Variants in TBC1D22A observed in about 807,000 individuals in gnomAD.
TBC1D22A encodes TBC1 domain family member 22A, also known as putative GTPase activator.
In TBC1D22A, 38 loss-of-function variants were observed where a neutral mutation model predicts 60.2. The observed-to-expected ratio is 0.63, with a 90% CI of 0.49 to 0.83. The LOEUF (loss-of-function observed/expected upper bound fraction) is 0.83. Among genes scored for constraint, TBC1D22A ranks in the 40% least tolerant of loss-of-function variants. TBC1D22A has a pLI of 0.00. For synonymous variants in TBC1D22A, 302 were observed against 281.7 expected (o/e 1.07, Z -0.72); for missense variants, 628 against 701.0 (o/e 0.90, Z 1.18).
intron 12 of TBC1D22A, among the ~76,000 whole-genome samples, chr22:47,158,819 C>G (rs1164920414): frequency 6.6e-6 from 1 of 152,112 alleles, no homozygotes; most frequent in Non-Finnish European, 1.5e-5. Flanking sequence ...CCCGCAGCCA[C>G]CAGCCAGGGC....
chr22:46,797,408 G>A (rs768275577), intron 3 of TBC1D22A, 36 bp from the exon 4 acceptor site: 17 of 1,608,402 alleles, frequency 1.1e-5, no homozygotes, highest in Non-Finnish European at 1.4e-5. Context: ...CGGGAGGAGC[G>A]CCCTCACCCT....
chr22:46,858,673 G>A (rs938199359), intron 4 of TBC1D22A, among the ~76,000 whole-genome samples: 2 of 152,246 alleles, frequency 1.3e-5, no homozygotes, highest in Admixed American at 1.3e-4. Context: ...AGCGCTGAGC[G>A]ATACGCTGGC....
At chr22:46,989,330 A>T (rs182138562) in intron 9 of TBC1D22A, among the ~76,000 whole-genome samples, 1 of 151,714 alleles carries the variant, frequency 6.6e-6, no homozygotes, top group East Asian at 1.9e-4. Context: ...TTTCCTTTGC[A>T]TTCACAACCT....
chr22:46,796,685 C>T (rs1363262086), intron 3 of TBC1D22A, among the ~76,000 whole-genome samples: 2 of 131,110 alleles, frequency 1.5e-5, no homozygotes, highest in Non-Finnish European at 3.2e-5. Context: ...CTTGGATCCC[C>T]CTGGGCCTGT....
chr22:47,062,478 G>T (rs535333279), intron 11 of TBC1D22A, among the ~76,000 whole-genome samples: 1 of 152,184 alleles, frequency 6.6e-6, no homozygotes, highest in Non-Finnish European at 1.5e-5. Flanking sequence ...ATGTCCGTGT[G>T]TTCCTTTCTG....
intron 4 of TBC1D22A, among the ~76,000 whole-genome samples, chr22:46,804,412 C>G (rs1030380208): frequency 1.4e-4 from 22 of 152,326 alleles, no homozygotes; most frequent in African/African-American, 5.3e-4. Flanking sequence ...GTTGTGCTTG[C>G]TTTTTCTCTC....
chr22:47,127,795 T>C (rs2147106592), intron 12 of TBC1D22A, among the ~76,000 whole-genome samples: 1 of 151,996 alleles, frequency 6.6e-6, no homozygotes, highest in South Asian at 2.1e-4. Flanking sequence ...ACAGATGTGC[T>C]GCTCTTGGCG....
chr22:46,937,955 T>C (rs892442588), intron 8 of TBC1D22A, among the ~76,000 whole-genome samples: 4 of 152,186 alleles, frequency 2.6e-5, no homozygotes, highest in African/African-American at 7.2e-5. Flanking sequence ...CTAAGTATTA[T>C]TATAAAAAAG....
At chr22:46,819,544 G>T (rs1602002083) in intron 4 of TBC1D22A, among the ~76,000 whole-genome samples, 1 of 152,204 alleles carries the variant, frequency 6.6e-6, no homozygotes, top group East Asian at 1.9e-4. Context: ...TATGTTTATT[G>T]ATTTGCATAT....
At chr22:46,970,250 G>A (rs1438276217) in intron 8 of TBC1D22A, among the ~76,000 whole-genome samples, 1 of 151,646 alleles carries the variant, frequency 6.6e-6, no homozygotes, top group Non-Finnish European at 1.5e-5. Context: ...CCACAGCCAT[G>A]GCTGTCATTT....
intron 12 of TBC1D22A, among the ~76,000 whole-genome samples, chr22:47,127,442 C>G (rs982158236): frequency 4.3e-5 from 6 of 138,196 alleles, no homozygotes; most frequent in Admixed American, 7.8e-5. Context: ...CCAGGCTGGT[C>G]TCGAACCCCT....
rs754725679 is a variant in TBC1D22A at position 46,869,260 on chromosome 22, T to G, written c.638-9393T>G. 5.3e-5 allele frequency among the ~76,000 whole-genome samples: 8 copies of G among 152,260 alleles called. 1 individual carries two copies. The highest frequency in any genetic ancestry group is 8.8e-5 in the Non-Finnish European group (6 of 68,048). ...GCAGCTCACGGAGAATCTTTCCTGA[T>G]GTCCCCTTCTTCAGAGAAGAGACCA... On this transcript the variant is annotated intron_variant, in intron 4 of 12. Coordinates refer to ENST00000337137, the MANE Select transcript of TBC1D22A (RefSeq NM_014346.5).
intron 11 of TBC1D22A, among the ~76,000 whole-genome samples, chr22:47,102,638 T>A (rs993769404): frequency 6.6e-6 from 1 of 152,196 alleles, no homozygotes; most frequent in African/African-American, 2.4e-5. Flanking sequence ...GCCGTAAAGC[T>A]CTGTTTTCCC....
intron 10 of TBC1D22A, among the ~76,000 whole-genome samples, chr22:47,001,052 C>T (rs545432985): frequency 6.6e-6 from 1 of 152,114 alleles, no homozygotes; most frequent in Non-Finnish European, 1.5e-5. Flanking sequence ...TGCATCCAAC[C>T]CGATTAGTCA....
At chr22:47,012,223 C>T (rs77416815) in intron 10 of TBC1D22A, among the ~76,000 whole-genome samples, 2 of 152,168 alleles carry the variant, frequency 1.3e-5, no homozygotes, top group Admixed American at 6.5e-5. Flanking sequence ...GAGGTGATGC[C>T]TGCCAGGGTG....
rs571258973 is a variant in TBC1D22A at position 46,958,942 on chromosome 22, T to C, written c.1016-15348T>C. ...GACACAAGATGTTTTCACGACACAA[T>C]ACACCATGCTCATTCTTCCCGCTGC... On this transcript the variant is annotated intron_variant, in intron 8 of 12. Coordinates refer to ENST00000337137, the MANE Select transcript of TBC1D22A (RefSeq NM_014346.5). 2.2e-3 allele frequency among the ~76,000 whole-genome samples: 333 copies of C among 152,308 alleles called. 1 individual carries two copies. Among genetic ancestry groups the C allele is most frequent in the African/African-American group, 7.5e-3 (313 of 41,560 alleles).
chr22:47,033,669 G>A (rs2062562256), intron 10 of TBC1D22A, among the ~76,000 whole-genome samples: 1 of 152,216 alleles, frequency 6.6e-6, no homozygotes, highest in Non-Finnish European at 1.5e-5. Context: ...GGGTGTTTCT[G>A]GAAGCATCCA....
At chr22:47,087,761 C>T (rs1457013854) in intron 11 of TBC1D22A, among the ~76,000 whole-genome samples, 2 of 151,982 alleles carry the variant, frequency 1.3e-5, no homozygotes, top group African/African-American at 2.4e-5. Flanking sequence ...AGTAAAACAC[C>T]CATAAGCTTA....
intron 9 of TBC1D22A, among the ~76,000 whole-genome samples, chr22:46,982,792 G>A (rs777563125): frequency 7.2e-5 from 11 of 152,200 alleles, no homozygotes; most frequent in Non-Finnish European, 1.6e-4. Context: ...AGGCATTGGC[G>A]GGCAGGTGCA....
Sources: gnomAD v4.1 joint callset for allele counts (sites outside exome capture counted in the v4.1 genomes callset) on GRCh38, gnomAD v4.1.1 for gene constraint, MANE v1.5 for transcripts, NCBI Gene and HGNC (gene_info 2026-07-23, HGNC 2026-07-21) for gene names.